Variants in EPHA6 observed in about 807,000 individuals in gnomAD.
EPHA6 encodes the protein EPH receptor A6, also known as ephrin type-A receptor 6.
A neutral mutation model predicts 112.0 loss-of-function variants in EPHA6; 50 were observed. That is an observed-to-expected ratio of 0.45 (90% CI 0.36 to 0.56). The LOEUF (loss-of-function observed/expected upper bound fraction) is 0.56. Among genes scored for constraint, EPHA6 ranks in the 20% least tolerant of loss-of-function variants. The probability of loss-of-function intolerance (pLI) is 0.00; values close to 1 mark genes in which losing one functional copy is unlikely to be tolerated. For synonymous variants in EPHA6, 529 were observed against 490.7 expected, an observed-to-expected ratio of 1.08 and a Z score of -1.03; for missense variants, 1,280 against 1,417.4, an observed-to-expected ratio of 0.90 and a Z score of 1.56.
At chr3:97,568,054 G>A (rs1002122920) in intron 11 of EPHA6, among the ~76,000 whole-genome samples, 8 of 152,152 alleles carry the variant, frequency 5.3e-5, no homozygotes, top group African/African-American at 1.9e-4. Flanking sequence ...TCTAGGTAGA[G>A]GAGGTTTGGC....
chr3:97,030,999 C>T (rs547774700), intron 3 of EPHA6, among the ~76,000 whole-genome samples: 6 of 151,940 alleles, frequency 3.9e-5, no homozygotes, highest in African/African-American at 1.4e-4. Flanking sequence ...ATGAGGTCAT[C>T]CTTATTATAT....
intron 10 of EPHA6, among the ~76,000 whole-genome samples, chr3:97,500,419 G>A (rs1458608040): frequency 6.6e-6 from 1 of 152,130 alleles, no homozygotes; most frequent in Non-Finnish European, 1.5e-5. Flanking sequence ...AGGGGGAGCA[G>A]GCATGTCACA....
At chr3:97,250,433 A>G (rs1268421288) in intron 5 of EPHA6, among the ~76,000 whole-genome samples, 1 of 152,228 alleles carries the variant, frequency 6.6e-6, no homozygotes, top group Non-Finnish European at 1.5e-5. Context: ...AAAGGTGACT[A>G]AGTATTTTAT....
chr3:97,138,616 A>C (rs1055492317), intron 3 of EPHA6, among the ~76,000 whole-genome samples: 1 of 152,324 alleles, frequency 6.6e-6, no homozygotes, highest in Non-Finnish European at 1.5e-5. Context: ...CCAGAGAACA[A>C]GTCTGTGGGC....
At chr3:96,944,941 AAAAC>A (rs1187819070) in intron 2 of EPHA6, among the ~76,000 whole-genome samples, 5 of 152,318 alleles carry the variant, frequency 3.3e-5, no homozygotes, top group Non-Finnish European at 5.9e-5. Context: ...CTCTGTCTCA[AAAAC>A]AAACAAACAA....
intron 6 of EPHA6, among the ~76,000 whole-genome samples, chr3:97,409,893 A>G (rs1190542498): frequency 6.6e-6 from 1 of 152,114 alleles, no homozygotes; most frequent in Admixed American, 6.6e-5. Flanking sequence ...AATTATTTAT[A>G]TGAAATGATG....
intron 1 of EPHA6, among the ~76,000 whole-genome samples, chr3:96,834,824 G>A (rs1456385871): frequency 6.6e-6 from 1 of 151,716 alleles, no homozygotes; most frequent in Admixed American, 6.6e-5. Context: ...TAATATCTAG[G>A]CTTTCCTTTA....
At chr3:97,140,382 G>A (rs1044527676) in intron 3 of EPHA6, among the ~76,000 whole-genome samples, 16 of 152,036 alleles carry the variant, frequency 1.1e-4, no homozygotes, top group South Asian at 2.1e-4. Flanking sequence ...CAAGGCATAC[G>A]GTTATCAGAC....
At chr3:97,459,163 T>A (rs2090800782) in intron 7 of EPHA6, among the ~76,000 whole-genome samples, 1 of 152,194 alleles carries the variant, frequency 6.6e-6, no homozygotes, top group Non-Finnish European at 1.5e-5. Context: ...CAGAACAGTA[T>A]CTGTGCAAGT....
intron 1 of EPHA6, among the ~76,000 whole-genome samples, chr3:96,864,595 G>A (rs1471498240): frequency 1.3e-5 from 2 of 152,004 alleles, no homozygotes; most frequent in South Asian, 2.1e-4. Flanking sequence ...GGTAATGGAC[G>A]TATTCTCTAG....
rs540485583 is a variant in EPHA6 at position 97,119,056 on chromosome 3, C to T, written c.1115-107208C>T. Among the ~76,000 whole-genome samples the T allele has an allele frequency of 5.3e-5, 8 of 152,042 alleles. No individual in the cohort carries two copies. The South Asian group carries it at 1.5e-3, about 28-fold the overall frequency. ...GCCTTCATATCAATACCATATATAT[C>T]TTTGGGCCCAGCTGGTTAAGCCATG... is the stretch of plus-strand genomic sequence containing the variant. On this transcript the variant is annotated intron_variant, in intron 3 of 17. Coordinates refer to ENST00000389672, the MANE Select transcript of EPHA6 (RefSeq NM_001080448.3).
At chr3:97,115,806 G>A (rs924373796) in intron 3 of EPHA6, among the ~76,000 whole-genome samples, 2 of 151,790 alleles carry the variant, frequency 1.3e-5, no homozygotes, top group Non-Finnish European at 2.9e-5. Context: ...AGGCTTTTAG[G>A]ATGTCGGAGT....
chr3:96,967,176 A>G (rs1389777506), intron 2 of EPHA6, among the ~76,000 whole-genome samples: 5 of 135,944 alleles, frequency 3.7e-5, no homozygotes, highest in African/African-American at 1.0e-4. Context: ...CTTCAATGCT[A>G]TGAATACACA....
At chr3:97,034,740 GCA>G (rs1318634545) in intron 3 of EPHA6, among the ~76,000 whole-genome samples, 2 of 151,798 alleles carry the variant, frequency 1.3e-5, no homozygotes, top group Non-Finnish European at 2.9e-5. Context: ...ATGGTTATGT[GCA>G]CACACACACA....
intron 1 of EPHA6, among the ~76,000 whole-genome samples, chr3:96,824,082 A>T (rs2033479899): frequency 6.6e-6 from 1 of 151,814 alleles, no homozygotes; most frequent in Non-Finnish European, 1.5e-5. Context: ...CACCTAGGTT[A>T]TTAAAATAAC....
In EPHA6 at chr3:97,481,308, G is replaced by C. The variant is rs1229801563; in HGVS notation, c.2074+1944G>C. 4 of 1,548,444 alleles carry C rather than the reference G, an allele frequency of 2.6e-6. No homozygotes were observed. In the East Asian group the frequency reaches 9.0e-5, roughly 35 times the overall value. On this transcript the variant is annotated intron_variant, in intron 9 of 17. Transcript: ENST00000389672. ...TTCATAAAGAGTATCCGTCTTGGAGGGAGATTCCAGTTGTAGAGATGTTTC... is the reference window on the plus strand; with the variant it reads ...TTCATAAAGAGTATCCGTCTTGGAGCGAGATTCCAGTTGTAGAGATGTTTC...
chr3:97,168,641 C>A (rs2108419569), intron 3 of EPHA6, among the ~76,000 whole-genome samples: 1 of 143,636 alleles, frequency 7.0e-6, no homozygotes, highest in Non-Finnish European at 1.5e-5. Context: ...CTCCTGCCGG[C>A]CATGTGAAGA....
chr3:97,109,642 C>T (rs7355801), intron 3 of EPHA6, among the ~76,000 whole-genome samples: 39,851 of 151,976 alleles, frequency 0.26, 8,296 homozygotes, highest in African/African-American at 0.57. Flanking sequence ...AGGAGCAGCA[C>T]GGTGAGAAGC....
chr3:97,315,222 C>G lies in EPHA6; in HGVS notation c.1606+70935C>G, dbSNP rs967470766. Among the ~76,000 whole-genome samples the G allele has an allele frequency of 5.9e-5, 9 of 151,496 alleles. No individual in the cohort carries two copies. The East Asian group carries it at 1.7e-3, about 29-fold the overall frequency. On this transcript the variant is annotated intron_variant, in intron 5 of 17. Coordinates refer to ENST00000389672, the MANE Select transcript of EPHA6 (RefSeq NM_001080448.3). Reference sequence around the variant, plus strand: ...AGGTTGCCATCTAAGAAACTGACACCTAGATATAGCACACTATCCACTTTC... The same window carrying G: ...AGGTTGCCATCTAAGAAACTGACACGTAGATATAGCACACTATCCACTTTC...
Sources: gnomAD v4.1 joint callset for allele counts (sites outside exome capture counted in the v4.1 genomes callset) on GRCh38, gnomAD v4.1.1 for gene constraint, MANE v1.5 for transcripts, NCBI Gene and HGNC (gene_info 2026-07-23, HGNC 2026-07-21) for gene names.